Variants in DLG2 observed in about 807,000 individuals in gnomAD.
The protein encoded by DLG2 is disks large homolog 2.
DLG2 carries 45 observed loss-of-function variants against 132.5 expected under a neutral mutation model. The observed-to-expected ratio is 0.34, with a 90% CI of 0.27 to 0.44. DLG2 has a LOEUF of 0.44. Ranked by LOEUF, DLG2 falls within the 20% of genes least tolerant of loss-of-function variation. The pLI is 1.00. For missense variants in DLG2, 1,045 were observed against 1,196.9 expected, an observed-to-expected ratio of 0.87 and a Z score of 1.87; for synonymous variants, 424 against 419.6, an observed-to-expected ratio of 1.01 and a Z score of -0.13.
intron 14 of DLG2, among the ~76,000 whole-genome samples, chr11:83,948,370 T>C (rs1306971259): frequency 6.6e-6 from 1 of 152,088 alleles, no homozygotes; most frequent in Admixed American, 6.6e-5. Context: ...TTTCAGCAAA[T>C]GCTTATTAAG....
intron 18 of DLG2, among the ~76,000 whole-genome samples, chr11:83,686,951 A>G (rs559498373): frequency 6.6e-6 from 1 of 152,300 alleles, no homozygotes; most frequent in African/African-American, 2.4e-5. Context: ...TCACACTGGA[A>G]TACGGTGGGC....
At chr11:85,220,908 T>A (rs978497843) in intron 4 of DLG2, among the ~76,000 whole-genome samples, 3 of 152,090 alleles carry the variant, frequency 2.0e-5, no homozygotes, top group African/African-American at 7.2e-5. Flanking sequence ...ATCAAACTAT[T>A]TTATTTAAAC....
chr11:84,815,131 A>C (rs926698792), intron 6 of DLG2, among the ~76,000 whole-genome samples: 41 of 152,256 alleles, frequency 2.7e-4, no homozygotes, highest in Non-Finnish European at 5.6e-4. Flanking sequence ...TATTTAGTTC[A>C]CAAAGTCACT....
chr11:83,499,914 A>G (rs2094382455), intron 21 of DLG2, among the ~76,000 whole-genome samples: 2 of 131,042 alleles, frequency 1.5e-5, no homozygotes, highest in Non-Finnish European at 3.2e-5. Flanking sequence ...CTGTCCCTCC[A>G]GAGAACTCTG....
At chr11:84,852,553 G>C (rs2154023150) in intron 6 of DLG2, among the ~76,000 whole-genome samples, 1 of 152,128 alleles carries the variant, frequency 6.6e-6, no homozygotes, top group South Asian at 2.1e-4. Flanking sequence ...CTTTGATTTA[G>C]AGAGTAATAA....
intron 6 of DLG2, among the ~76,000 whole-genome samples, chr11:85,096,871 T>C (rs1468797835): frequency 2.6e-5 from 4 of 152,158 alleles, no homozygotes; most frequent in Non-Finnish European, 5.9e-5. Context: ...TCAGGCTATC[T>C]GGGAAAGGGC....
intron 6 of DLG2, among the ~76,000 whole-genome samples, chr11:84,927,569 A>G (rs1019940994): frequency 2.6e-5 from 4 of 152,026 alleles, no homozygotes; most frequent in African/African-American, 9.7e-5. Context: ...TGTAAGCCAT[A>G]CGATCTGTCA....
intron 11 of DLG2, among the ~76,000 whole-genome samples, chr11:83,992,167 C>A (rs2093756085): frequency 6.6e-6 from 1 of 152,138 alleles, no homozygotes; most frequent in South Asian, 2.1e-4. Context: ...CTATTTAACT[C>A]ATTAAACACT....
chr11:84,154,317 A>G (rs1243103228), intron 9 of DLG2, among the ~76,000 whole-genome samples: 2 of 152,186 alleles, frequency 1.3e-5, no homozygotes, highest in South Asian at 2.1e-4. Flanking sequence ...TTTAAATACA[A>G]AAGTAATACA....
chr11:85,447,558 T>C (rs1243303522), intron 3 of DLG2, among the ~76,000 whole-genome samples: 2 of 152,104 alleles, frequency 1.3e-5, no homozygotes, highest in African/African-American at 2.4e-5. Context: ...TTGCCAACCA[T>C]TGCCAACCAC....
intron 3 of DLG2, among the ~76,000 whole-genome samples, chr11:85,476,499 A>G (rs1033208337): frequency 1.3e-5 from 2 of 152,140 alleles, no homozygotes; most frequent in African/African-American, 4.8e-5. Context: ...TAATTTTTTT[A>G]CTTTTTGCCT....
chr11:84,110,091 C>T (rs1031876493), intron 9 of DLG2, among the ~76,000 whole-genome samples: 1 of 152,136 alleles, frequency 6.6e-6, no homozygotes, highest in Non-Finnish European at 1.5e-5. Context: ...CAAGGATGTG[C>T]TCAAAAACAA....
At chr11:83,980,367 G>A (rs2092676927) in intron 12 of DLG2, 139 bp downstream of exon 12, 1 of 955,228 alleles carries the variant, frequency 1.0e-6, no homozygotes, top group Non-Finnish European at 1.5e-6. Context: ...CCAGAATTGT[G>A]AGAAAATAGA....
chr11:84,579,349 T>C (rs765086851), intron 6 of DLG2, among the ~76,000 whole-genome samples: 1 of 152,080 alleles, frequency 6.6e-6, no homozygotes, highest in Non-Finnish European at 1.5e-5. Context: ...AACTCAATAA[T>C]ACACAGTGCC....
At chr11:84,681,836 A>C (rs958437244) in intron 6 of DLG2, among the ~76,000 whole-genome samples, 17 of 152,090 alleles carry the variant, frequency 1.1e-4, no homozygotes, top group Non-Finnish European at 2.2e-4. Flanking sequence ...TGAAAAAAAA[A>C]AAACAAACCC....
At chr11:83,885,171 C>A (rs2067464815) in intron 15 of DLG2, among the ~76,000 whole-genome samples, 1 of 152,112 alleles carries the variant, frequency 6.6e-6, no homozygotes, top group Non-Finnish European at 1.5e-5. Context: ...GAAATTCAAA[C>A]CAAAGACAAA....
At chr11:84,873,953 A>G (rs1050140450) in intron 6 of DLG2, among the ~76,000 whole-genome samples, 10 of 152,188 alleles carry the variant, frequency 6.6e-5, no homozygotes, top group African/African-American at 2.4e-4. Context: ...GAACGACATC[A>G]CCCTTCACCT....
chr11:85,088,994 C>G (rs2444253), intron 6 of DLG2, among the ~76,000 whole-genome samples: 60,124 of 152,000 alleles, frequency 0.4, 12,037 homozygotes, highest in South Asian at 0.57. Context: ...ACAAGAAAAC[C>G]TAAAAATATC....
chr11:84,226,752 C>T (rs974543788), intron 8 of DLG2, among the ~76,000 whole-genome samples: 1 of 152,112 alleles, frequency 6.6e-6, no homozygotes, highest in Non-Finnish European at 1.5e-5. Flanking sequence ...CAGGGAGTTA[C>T]AGATATATAA....
Sources: gnomAD v4.1 joint callset for allele counts (sites outside exome capture counted in the v4.1 genomes callset) on GRCh38, gnomAD v4.1.1 for gene constraint, MANE v1.5 for transcripts, NCBI Gene and HGNC (gene_info 2026-07-23, HGNC 2026-07-21) for gene names.